SCP2: variants seen among roughly 807,000 people sequenced by gnomAD.
The protein encoded by SCP2 is SCP-2/3-oxoacyl-CoA thiolase.
In SCP2, 48 loss-of-function variants were observed where a neutral mutation model predicts 71.4. That is an observed-to-expected ratio of 0.67 (90% confidence interval 0.53 to 0.86). The LOEUF (loss-of-function observed/expected upper bound fraction) is 0.86, where lower values mean the gene tolerates loss of function less well. SCP2 is among the 40% of genes least tolerant of loss of function. The pLI, the probability that SCP2 is intolerant of heterozygous loss-of-function variation, is 0.00. For missense variants in SCP2, 560 were observed against 655.6 expected (o/e 0.85, Z 1.59); for synonymous variants, 220 against 218.1 (o/e 1.01, Z -0.08).
chr1:53,002,152 A>C (rs1457138986), intron 11 of SCP2, among the ~76,000 whole-genome samples: 2 of 150,918 alleles, frequency 1.3e-5, no homozygotes, highest in East Asian at 3.9e-4. Flanking sequence ...ACGCCACTGC[A>C]CTCCAGCCTG....
chr1:52,990,958 A>G (rs188058841), intron 11 of SCP2, among the ~76,000 whole-genome samples: 18 of 152,320 alleles, frequency 1.2e-4, no homozygotes, highest in Non-Finnish European at 2.2e-4. Context: ...AGTGTTTTGC[A>G]TGGAAGCAGA....
At chr1:52,996,103 A>G (rs1659917286) in intron 11 of SCP2, 2 of 675,430 alleles carry the variant, frequency 3.0e-6, no homozygotes, top group South Asian at 1.2e-4. Flanking sequence ...CTACCTCAGA[A>G]TTTGTGTTTG....
At chr1:52,941,886 A>G in intron 2 of SCP2, 33 bp downstream of exon 2, 4 of 1,464,688 alleles carry the variant, frequency 2.7e-6, no homozygotes, top group Non-Finnish European at 3.8e-6. Flanking sequence ...TTGAACATTC[A>G]TAGTTTATTA....
chr1:52,972,996 G>C (rs1657628327), intron 6 of SCP2, among the ~76,000 whole-genome samples: 1 of 152,156 alleles, frequency 6.6e-6, no homozygotes, highest in Non-Finnish European at 1.5e-5. Context: ...TTTATATTCT[G>C]ATCCATCCTA....
intron 6 of SCP2, among the ~76,000 whole-genome samples, chr1:52,969,598 G>GA (rs1657274846): frequency 6.6e-6 from 1 of 152,144 alleles, no homozygotes; most frequent in Non-Finnish European, 1.5e-5. Context: ...GAGGTTGGGG[G>GA]ATCCCCTGAG....
intron 15 of SCP2, chr1:53,050,184 G>A (rs556912145): frequency 4.6e-6 from 1 of 215,588 alleles, no homozygotes; most frequent in East Asian, 1.2e-4. Context: ...TTTATCATTG[G>A]TGGCATTTCA....
At chr1:52,994,699 G>C (rs1659797831) in intron 11 of SCP2, 2 of 691,688 alleles carry the variant, frequency 2.9e-6, no homozygotes, top group Non-Finnish European at 4.8e-6. Context: ...CTTGAGGCGA[G>C]CAAAAAAATT....
chr1:52,946,618 T>C (rs1654821348), intron 2 of SCP2, among the ~76,000 whole-genome samples: 1 of 152,192 alleles, frequency 6.6e-6, no homozygotes, highest in African/African-American at 2.4e-5. Context: ...CATTTGTTTT[T>C]TGTCCATACG....
intron 15 of SCP2, chr1:53,049,659 A>G (rs1664072718): frequency 1.3e-5 from 2 of 152,170 alleles, no homozygotes. Context: ...TTTGTTCAAT[A>G]TATTGTGTTC....
chr1:53,038,714 A>G (rs1346147530), intron 13 of SCP2, among the ~76,000 whole-genome samples: 3 of 152,164 alleles, frequency 2.0e-5, no homozygotes, highest in Non-Finnish European at 4.4e-5. Flanking sequence ...TTAAAAAGCC[A>G]TTTTTAATAA....
intron 11 of SCP2, among the ~76,000 whole-genome samples, chr1:53,011,766 C>T (rs550373866): frequency 6.6e-6 from 1 of 152,124 alleles, no homozygotes; most frequent in African/African-American, 2.4e-5. Flanking sequence ...GTAAAAGAAT[C>T]GATTTGCTAT....
chr1:52,965,768 G>A (rs1212498825), intron 6 of SCP2, among the ~76,000 whole-genome samples: 2 of 151,768 alleles, frequency 1.3e-5, no homozygotes, highest in African/African-American at 4.8e-5. Flanking sequence ...CCAAGTAGCT[G>A]GGATTACAGG....
At chr1:52,953,202 T>G (rs1480534154) in intron 4 of SCP2, among the ~76,000 whole-genome samples, 1 of 152,096 alleles carries the variant, frequency 6.6e-6, no homozygotes, top group East Asian at 1.9e-4. Context: ...TAGTTTTTAA[T>G]TTCAAATTTT....
chr1:53,042,834 G>A (rs144838240), intron 14 of SCP2, among the ~76,000 whole-genome samples: 1 of 152,218 alleles, frequency 6.6e-6, no homozygotes, highest in East Asian at 1.9e-4. Flanking sequence ...TTACTGAGAT[G>A]ATTATATTAT....
At chr1:53,041,886 G>T (rs903878103) in intron 14 of SCP2, among the ~76,000 whole-genome samples, 2 of 152,140 alleles carry the variant, frequency 1.3e-5, no homozygotes, top group Admixed American at 6.5e-5. Context: ...TCTCTGCAAG[G>T]GTAGTTAAAT....
chr1:52,986,036 T>C (rs941715062), intron 10 of SCP2, among the ~76,000 whole-genome samples: 5 of 135,578 alleles, frequency 3.7e-5, no homozygotes, highest in Middle Eastern at 3.5e-3. Context: ...TTAAACTCCA[T>C]GATAGTAGGG....
At chr1:53,010,663 GATATACCTA>G (rs1231376823) in intron 11 of SCP2, among the ~76,000 whole-genome samples, 23 of 152,084 alleles carry the variant, frequency 1.5e-4, no homozygotes, top group African/African-American at 5.6e-4. Flanking sequence ...AGCATTAGGA[GATATACCTA>G]ATATAAATGA....
chr1:52,945,744 A>AATATATATATATATATATATATATAT lies in SCP2; in HGVS notation c.128-2249_128-2248insATATATATATATATATATATATATAT, dbSNP rs147167752. 3.4e-3 allele frequency among the ~76,000 whole-genome samples: 494 copies of AATATATATATATATATATATATATAT among 145,442 alleles called. 6 individuals are homozygous for AATATATATATATATATATATATATAT. The highest frequency in any genetic ancestry group is 0.011 in the African/African-American group (400 of 38,060). On this transcript the variant is annotated intron_variant, in intron 2 of 15. Transcript: ENST00000371514. ...GGAAAAGAATGTTTAAGTTGTGCAT[A>AATATATATATATATATATATATATAT]ATATATATATATATATGCCATTATT...
intron 14 of SCP2, among the ~76,000 whole-genome samples, chr1:53,040,970 T>G (rs954324197): frequency 3.9e-5 from 6 of 152,186 alleles, no homozygotes; most frequent in Admixed American, 3.9e-4. Context: ...AATTTAAAAA[T>G]GGACAACAGA....
Sources: gnomAD v4.1 joint callset for allele counts (sites outside exome capture counted in the v4.1 genomes callset) on GRCh38, gnomAD v4.1.1 for gene constraint, MANE v1.5 for transcripts, NCBI Gene and HGNC (gene_info 2026-07-23, HGNC 2026-07-21) for gene names.